The following GADL1 variants were observed in gnomAD, a reference collection of about 807,000 sequenced individuals.
The protein encoded by GADL1 is acidic amino acid decarboxylase GADL1.
Under a neutral mutation model 69.5 loss-of-function variants are expected in GADL1, and 71 were observed. The ratio of observed to expected loss-of-function variants is 1.02; its 90% CI spans 0.84 to 1.25. GADL1 has a LOEUF of 1.25. Ranked by LOEUF, GADL1 falls within the 50% of genes most tolerant of loss-of-function variation. The pLI is 0.00. For synonymous variants in GADL1, 254 were observed against 214.4 expected (o/e 1.18, Z -1.62); for missense variants, 737 against 631.8 (o/e 1.17, Z -1.79).
At chr3:30,858,841 G>A (rs994804582) in intron 2 of GADL1, among the ~76,000 whole-genome samples, 1 of 151,960 alleles carries the variant, frequency 6.6e-6, no homozygotes, top group Non-Finnish European at 1.5e-5. Context: ...ATCTTTCTGG[G>A]CATCACCAAC....
At chr3:30,785,018 T>G (rs1696756928) in intron 13 of GADL1, among the ~76,000 whole-genome samples, 1 of 152,228 alleles carries the variant, frequency 6.6e-6, no homozygotes, top group African/African-American at 2.4e-5. Context: ...GCTTGCTGTT[T>G]ATCTTTATTC....
At chr3:30,876,576 A>G (rs1177115417) in intron 1 of GADL1, among the ~76,000 whole-genome samples, 2 of 151,998 alleles carry the variant, frequency 1.3e-5, no homozygotes, top group Non-Finnish European at 2.9e-5. Flanking sequence ...AAAAAATAAC[A>G]GAAACGGAGT....
chr3:30,816,486 T>G (rs1032677029), intron 11 of GADL1, among the ~76,000 whole-genome samples: 7 of 150,124 alleles, frequency 4.7e-5, no homozygotes, highest in African/African-American at 1.7e-4. Flanking sequence ...ATTGTCCAGA[T>G]CTGACTTTGC....
At chr3:30,822,102 A>G (rs1697590528) in intron 11 of GADL1, among the ~76,000 whole-genome samples, 1 of 152,082 alleles carries the variant, frequency 6.6e-6, no homozygotes, top group African/African-American at 2.4e-5. Flanking sequence ...TCACTTGGAA[A>G]CTTTCTCTAT....
chr3:30,752,770 C>G (rs904339717), intron 14 of GADL1, among the ~76,000 whole-genome samples: 1 of 152,102 alleles, frequency 6.6e-6, no homozygotes, highest in African/African-American at 2.4e-5. Context: ...GATTTGTTAG[C>G]ATTTGAGATG....
chr3:30,870,977 C>T (rs1455863298), intron 1 of GADL1, among the ~76,000 whole-genome samples: 2 of 150,666 alleles, frequency 1.3e-5, no homozygotes, highest in African/African-American at 4.9e-5. Context: ...GTCATGATGA[C>T]ATAGAGACAA....
chr3:30,862,364 C>A (rs1698333240), intron 1 of GADL1, among the ~76,000 whole-genome samples: 1 of 151,948 alleles, frequency 6.6e-6, no homozygotes, highest in African/African-American at 2.4e-5. Context: ...GAATTAACAC[C>A]ACCTCTATGC....
intron 9 of GADL1, among the ~76,000 whole-genome samples, chr3:30,838,232 G>T (rs1697904586): frequency 6.6e-6 from 1 of 151,758 alleles, no homozygotes; most frequent in South Asian, 2.1e-4. Context: ...ATTAACTGCT[G>T]GTTTCACACA....
intron 13 of GADL1, among the ~76,000 whole-genome samples, chr3:30,781,872 GATGAGTAGCTCCATTA>G (rs1368591824): frequency 6.6e-6 from 1 of 152,180 alleles, no homozygotes; most frequent in East Asian, 1.9e-4. Flanking sequence ...TTTTAAAGTG[GATGAGTAGCTCCATTA>G]AAATGTGCAC....
intron 11 of GADL1, among the ~76,000 whole-genome samples, chr3:30,808,168 C>T (rs1276216514): frequency 6.7e-6 from 1 of 149,906 alleles, no homozygotes; most frequent in African/African-American, 2.5e-5. Context: ...GAGGGAATGG[C>T]AGGGCAGAGA....
At chr3:30,874,310 T>C (rs982415835) in intron 1 of GADL1, among the ~76,000 whole-genome samples, 1 of 151,958 alleles carries the variant, frequency 6.6e-6, no homozygotes, top group Non-Finnish European at 1.5e-5. Context: ...GCAGGTGCCC[T>C]GAGGAATGCC....
chr3:30,791,297 G>T (rs1022048796), intron 12 of GADL1, among the ~76,000 whole-genome samples: 13 of 152,052 alleles, frequency 8.5e-5, no homozygotes, highest in African/African-American at 3.1e-4. Context: ...TAACTCAAAA[G>T]CTTGTTATGA....
chr3:30,740,312 A>G (rs1162664332), intron 14 of GADL1, among the ~76,000 whole-genome samples: 1 of 152,186 alleles, frequency 6.6e-6, no homozygotes, highest in Non-Finnish European at 1.5e-5. Context: ...ACTGCAAAAT[A>G]GCCCTCAAGA....
intron 1 of GADL1, among the ~76,000 whole-genome samples, chr3:30,871,460 A>G (rs746427361): frequency 5.9e-5 from 9 of 151,796 alleles, no homozygotes; most frequent in Non-Finnish European, 1.3e-4. Context: ...CAGGTATCCC[A>G]TATCTTTGTA....
intron 14 of GADL1, among the ~76,000 whole-genome samples, chr3:30,754,269 A>G (rs1695909563): frequency 6.6e-6 from 1 of 152,170 alleles, no homozygotes; most frequent in Non-Finnish European, 1.5e-5. Flanking sequence ...CAAGATGTGT[A>G]AAGGAGAACC....
chr3:30,851,499 A>C (rs1276855591), intron 4 of GADL1, among the ~76,000 whole-genome samples: 1 of 152,136 alleles, frequency 6.6e-6, no homozygotes, highest in East Asian at 1.9e-4. Flanking sequence ...GCAAAGCACT[A>C]CCCAAATCCC....
chr3:30,795,764 C>G (rs545724092), intron 12 of GADL1, among the ~76,000 whole-genome samples: 1 of 152,074 alleles, frequency 6.6e-6, no homozygotes, highest in Non-Finnish European at 1.5e-5. Flanking sequence ...AATTACATGC[C>G]TCAAAGTACT....
intron 4 of GADL1, among the ~76,000 whole-genome samples, chr3:30,853,832 C>T (rs1410942745): frequency 6.6e-6 from 1 of 152,130 alleles, no homozygotes; most frequent in East Asian, 1.9e-4. Context: ...TCTCACCCGA[C>T]TAAAGTAATG....
intron 11 of GADL1, among the ~76,000 whole-genome samples, chr3:30,807,352 T>C (rs1295262096): frequency 6.6e-6 from 1 of 152,218 alleles, no homozygotes; most frequent in Non-Finnish European, 1.5e-5. Context: ...TTTAATGGAA[T>C]GTATTTGCCA....
Sources: allele counts gnomAD v4.1 joint callset (sites outside exome capture counted in the v4.1 genomes callset), GRCh38; gene constraint gnomAD v4.1.1; transcripts MANE v1.5; gene names NCBI Gene and HGNC (gene_info 2026-07-23, HGNC 2026-07-21).